EGF: variants seen among roughly 807,000 people sequenced by gnomAD.
EGF encodes the protein epidermal growth factor.
In EGF, 95 loss-of-function variants were observed where a neutral mutation model predicts 143.8. That is an observed-to-expected ratio of 0.66 (90% CI 0.56 to 0.78). EGF has a LOEUF of 0.78. Ranked by LOEUF, EGF falls within the 30% of genes least tolerant of loss-of-function variation. The pLI is 0.00. For missense variants in EGF, 1,320 were observed against 1,470.9 expected, an observed-to-expected ratio of 0.90 and a Z score of 1.68; for synonymous variants, 510 against 510.5, an observed-to-expected ratio of 1.00 and a Z score of 0.01.
rs1384707531 is a variant in EGF at position 109,993,315 on chromosome 4, G to A, written c.2803G>A (p.Gly935Ser). 1.2e-6 allele frequency: 2 copies of A among 1,613,908 alleles called. No individual in the cohort carries two copies. Among genetic ancestry groups the A allele is most frequent in the Non-Finnish European group, 8.5e-7 (1 of 1,179,940 alleles). ...ENASCTNTEGGYTCMCAGRLS... is the reference protein window; with the variant it reads ...ENASCTNTEGSYTCMCAGRLS... ...TGCCAGCTGCACAAATACAGAGGGA[G>A]GCTATACCTGCATGTGTGCTGGACG... Residue 935 changes from glycine (G) to serine (S), a missense_variant, in exon 19 of 24, where the codon GGC (glycine) becomes AGC (serine). Physicochemically the swap from Gly to Ser is moderately conservative, Grantham distance 56 (BLOSUM62 0). Around this residue, in one of 5 missense-constraint regions of EGF, gnomAD observed 1,186 missense variants for 1,313.7 expected, o/e 0.90. Transcript: ENST00000265171.
Position 109,980,861 on chromosome 4 carries a change from G to A in EGF, c.2257G>A (p.Glu753Lys). 1 of 1,614,068 alleles carries A rather than the reference G, an allele frequency of 6.2e-7. No homozygotes were observed. The change falls in exon 15 of 24, where the codon GAA becomes AAA. Residue 753 changes from glutamate (E) to lysine (K), a missense_variant. Glu to Lys is a moderately conservative substitution (Grantham distance 56). Transcript: ENST00000265171. ...DPCLYQNGGC[E>K]HICKKRLGTA... is the part of the protein sequence containing the mutation. ...CTGCTTATATCAAAACGGAGGCTGT[G>A]AACATATTTGCAAAAAGAGGCTTGG...
rs892032011 is a variant in EGF, at chr4:109,974,712, G to T, written c.1734G>T (p.Leu578=). The change falls in exon 12 of 24, where the codon CTG becomes CTT. Residue 578 remains leucine (L), a synonymous_variant. Transcript: ENST00000265171. ...TTTGCACATATTTTAGGAAATCTCT[G>T]ATTGGAAGGAGTGATTTAAATGGGA... is the stretch of plus-strand genomic sequence containing the variant. ...RFYWTDRGKS[L]IGRSDLNGKR... The T allele has an allele frequency of 3.7e-6, 6 of 1,612,660 alleles. No homozygotes were observed. Among genetic ancestry groups the T allele is most frequent in the Non-Finnish European group, 4.2e-6 (5 of 1,178,838 alleles).
At chr4:109,943,656 A>C (rs370372977) in intron 3 of EGF, among the ~76,000 whole-genome samples, 186 bp from the exon 4 acceptor site, 2 of 152,030 alleles carry the variant, frequency 1.3e-5, no homozygotes, top group South Asian at 2.1e-4. Flanking sequence ...CTATAGAGGC[A>C]TAATTCCCTT....
chr4:109,963,225 C>T lies in EGF; in HGVS notation c.1365C>T (p.Ser455=). 1 of 1,614,024 alleles carries T rather than the reference C, an allele frequency of 6.2e-7. No individual in the cohort carries two copies. The highest frequency in any genetic ancestry group is 8.5e-7 in the Non-Finnish European group (1 of 1,179,948). Reference sequence around the variant, plus strand: ...GTAGCCAGCTCTGCGTTCCTCTTAGCCCAGTATCCTGGGAATGTGATTGCT... The same window carrying T: ...GTAGCCAGCTCTGCGTTCCTCTTAGTCCAGTATCCTGGGAATGTGATTGCT... ...GGCSQLCVPL[S]PVSWECDCFP... The change falls in exon 9 of 24, where the codon AGC becomes AGT. Residue 455 remains serine (S), a synonymous_variant. Transcript: ENST00000265171.
intron 5 of EGF, among the ~76,000 whole-genome samples, chr4:109,955,250 G>A (rs1366123614): frequency 6.6e-6 from 1 of 152,272 alleles, no homozygotes; most frequent in East Asian, 1.9e-4. Flanking sequence ...AGGGGCAGTT[G>A]GTGGTGGACA....
rs568872747 is a variant in EGF, at chr4:109,939,851, T to C, written c.128-1095T>C. Among the ~76,000 whole-genome samples the C allele has an allele frequency of 6.6e-5, 10 of 152,336 alleles. No homozygotes were observed. The South Asian group carries it at 2.1e-3, about 32-fold the overall frequency. On this transcript the variant is annotated intron_variant, in intron 1 of 23. Coordinates refer to ENST00000265171, the MANE Select transcript of EGF (RefSeq NM_001963.6). ...TATTACTTTTGATGATAAAACAGAA[T>C]GGAGTAAGCCCAGCACAGAAGCAAG...
At position 109,970,628 on chromosome 4, in the gene EGF, C is replaced by T. The variant is rs527716014; in HGVS notation, c.1724+1509C>T. On this transcript the variant is annotated intron_variant, in intron 11 of 23. Transcript: ENST00000265171. Reference sequence around the variant, plus strand: ...GATCACAAGGTCAGGAGATCGAGACCATCCTGGCTAACATGGTGAAACCCC... The same window carrying T: ...GATCACAAGGTCAGGAGATCGAGACTATCCTGGCTAACATGGTGAAACCCC... Among the ~76,000 whole-genome samples the T allele has an allele frequency of 2.3e-4, 35 of 151,974 alleles. 1 individual carries two copies. The highest frequency in any genetic ancestry group is 4.6e-4 in the African/African-American group (19 of 41,464).
At position 109,955,502 on chromosome 4, in the gene EGF, C is replaced by T. The variant is rs528850355; in HGVS notation, c.941-3810C>T. 4.6e-5 allele frequency among the ~76,000 whole-genome samples: 7 copies of T among 152,304 alleles called. No homozygotes were observed. In the South Asian group the frequency reaches 1.2e-3, roughly 27 times the overall value. On this transcript the variant is annotated intron_variant, in intron 5 of 23. Coordinates refer to ENST00000265171, the MANE Select transcript of EGF (RefSeq NM_001963.6). ...GTGTTTAGTGTCTGAATTCAGGTCA[C>T]GTCATCAGCACAACTAGGCAGAGGA...
chr4:109,925,409 C>T (rs1738464031), intron 1 of EGF, among the ~76,000 whole-genome samples: 1 of 152,218 alleles, frequency 6.6e-6, no homozygotes, highest in South Asian at 2.1e-4. Context: ...TGGGAACTCA[C>T]TATGTGTCAG....
intron 1 of EGF, among the ~76,000 whole-genome samples, chr4:109,916,732 C>T (rs1736725293): frequency 1.5e-5 from 2 of 136,980 alleles, no homozygotes; most frequent in Non-Finnish European, 3.0e-5. Flanking sequence ...TCGATAAGCC[C>T]GAGATTCTAT....
chr4:109,970,222 T>C (rs1285329674), intron 11 of EGF, among the ~76,000 whole-genome samples: 3 of 152,160 alleles, frequency 2.0e-5, no homozygotes, highest in Non-Finnish European at 2.9e-5. Flanking sequence ...GTATCCCTTC[T>C]GCGTGCGAAT....
intron 5 of EGF, among the ~76,000 whole-genome samples, chr4:109,950,292 C>T (rs975125001): frequency 5.3e-5 from 8 of 152,116 alleles, no homozygotes; most frequent in Non-Finnish European, 8.8e-5. Flanking sequence ...CACTCTCTAC[C>T]GCATCTCCCA....
chr4:109,994,693 T>C lies in EGF; in HGVS notation c.2858-40T>C, dbSNP rs532588689. ...CATATTGATACTTGAAAGACACTAA[T>C]CCATTCAGAAAGTAAAAGTAATGTC... On this transcript the variant is annotated intron_variant, in intron 19 of 23. Transcript: ENST00000265171. 8.4e-5 allele frequency: 135 copies of C among 1,608,104 alleles called. No homozygotes were observed. In the South Asian group the frequency reaches 1.0e-3, roughly 12 times the overall value.
chr4:109,951,077 C>A (rs538861022), intron 5 of EGF, among the ~76,000 whole-genome samples: 2 of 151,664 alleles, frequency 1.3e-5, no homozygotes, highest in Non-Finnish European at 2.9e-5. Context: ...GAGGCCAAGG[C>A]GGGTGGATCA....
At chr4:109,929,355 T>C (rs1022804806) in intron 1 of EGF, among the ~76,000 whole-genome samples, 6 of 152,128 alleles carry the variant, frequency 3.9e-5, no homozygotes, top group Non-Finnish European at 7.4e-5. Flanking sequence ...TACCTCCTAG[T>C]GTTCTCCAAT....
At chr4:109,913,525 T>C in intron 1 of EGF, 63 bp downstream of exon 1, 3 of 1,591,690 alleles carry the variant, frequency 1.9e-6, no homozygotes, top group Middle Eastern at 1.7e-4. Flanking sequence ...TCCCTGTTGG[T>C]TCAATCTGGT....
chr4:110,004,576 G>C lies in EGF; in HGVS notation c.3245G>C (p.Arg1082Thr), dbSNP rs776085111. The C allele has an allele frequency of 6.2e-7, 1 of 1,613,998 alleles. No homozygotes were observed. The highest frequency in any genetic ancestry group is 2.2e-5 in the East Asian group (1 of 44,876). The change falls in exon 22 of 24, where the codon AGG becomes ACG. Residue 1082 changes from arginine to threonine, a missense_variant. Around this residue, in one of 5 missense-constraint regions of EGF, gnomAD observed 1,186 missense variants for 1,313.7 expected, o/e 0.90. Coordinates refer to ENST00000265171, the MANE Select transcript of EGF (RefSeq NM_001963.6). ...TCGAGCAGAGATGTGAGGAGTCGCA[G>C]GCCTGCTGACACTGAGGATGGGATG... The part of the protein sequence containing the change: ...EESSRDVRSR[R>T]PADTEDGMSS...
At chr4:109,944,885 C>T (rs1055730580) in intron 4 of EGF, among the ~76,000 whole-genome samples, 188 bp from the exon 5 acceptor site, 18 of 152,172 alleles carry the variant, frequency 1.2e-4, no homozygotes, top group African/African-American at 4.3e-4. Context: ...GAAATTATAT[C>T]TTATTAGCTC....
intron 21 of EGF, chr4:110,001,934 T>C (rs995845076): frequency 2.0e-6 from 2 of 985,308 alleles, no homozygotes; most frequent in Non-Finnish European, 1.2e-6. Flanking sequence ...TGCTTACCTC[T>C]CCGCAAAGTT....
Sources: allele counts gnomAD v4.1 joint callset (sites outside exome capture counted in the v4.1 genomes callset), GRCh38; gene constraint gnomAD v4.1.1; regional missense constraint gnomAD v4.1.1; transcripts MANE v1.5; gene names NCBI Gene and HGNC (gene_info 2026-07-23, HGNC 2026-07-21).